GGA2: variants seen among roughly 807,000 people sequenced by gnomAD.
The protein encoded by GGA2 is ADP-ribosylation factor-binding protein GGA2.
In GGA2, 48 loss-of-function variants were observed where a neutral mutation model predicts 79.5. The ratio of observed to expected loss-of-function variants is 0.60; its 90% CI spans 0.48 to 0.77. GGA2 has a LOEUF of 0.77. Among genes scored for constraint, GGA2 ranks in the 30% least tolerant of loss-of-function variants. GGA2 has a pLI of 0.00. For missense variants in GGA2, 770 were observed against 774.0 expected (o/e 0.99, Z 0.06); for synonymous variants, 317 against 302.0 (o/e 1.05, Z -0.51).
At chr16:23,486,215 G>C in intron 7 of GGA2, 63 bp from the exon 8 acceptor site, 2 of 1,495,754 alleles carry the variant, frequency 1.3e-6, no homozygotes, top group East Asian at 2.3e-5. Flanking sequence ...GCCTGAACAA[G>C]GGATGGGAAA....
chr16:23,509,910 T>A (rs1965016999), intron 1 of GGA2, among the ~76,000 whole-genome samples: 2 of 151,908 alleles, frequency 1.3e-5, no homozygotes, highest in Non-Finnish European at 2.9e-5. Context: ...CTGCGTCTCC[T>A]TAAGCCTCAA....
chr16:23,483,424 T>TC lies in GGA2; in HGVS notation c.799-421dup, dbSNP rs141410854. The stretch of plus-strand genomic sequence containing the variant: ...CTTAGGAATTTGGAAAGACAGTAGT[T>TC]CATTTCTACTAATCTTGTGAAGTGG... On this transcript the variant is annotated intron_variant, in intron 8 of 16. Coordinates refer to ENST00000309859, the MANE Select transcript of GGA2 (RefSeq NM_015044.4). Among the ~76,000 whole-genome samples, 21 of 152,268 alleles carry TC rather than the reference T, an allele frequency of 1.4e-4. No homozygotes were observed. The East Asian group carries it at 4.1e-3, about 29-fold the overall frequency.
At chr16:23,518,901 G>A (rs1965118749) in intron 2 of GGA2, among the ~76,000 whole-genome samples, 1 of 152,144 alleles carries the variant, frequency 6.6e-6, no homozygotes, top group African/African-American at 2.4e-5. Flanking sequence ...ATTCTTTTGA[G>A]TAAGAGAGTA....
chr16:23,489,112 T>C (rs1458526026), intron 5 of GGA2, among the ~76,000 whole-genome samples: 1 of 152,218 alleles, frequency 6.6e-6, no homozygotes, highest in Non-Finnish European at 1.5e-5. Context: ...CCTGAGTTCC[T>C]TCTTTTAAGA....
At chr16:23,493,566 C>A in intron 3 of GGA2, 108 bp from the exon 4 acceptor site, 1 of 742,916 alleles carries the variant, frequency 1.3e-6, no homozygotes. Context: ...AAGGCTAACC[C>A]TGCCTCAAGC....
At chr16:23,492,912 C>G (rs1964807376) in intron 4 of GGA2, among the ~76,000 whole-genome samples, 1 of 152,168 alleles carries the variant, frequency 6.6e-6, no homozygotes, top group South Asian at 2.1e-4. Flanking sequence ...AACTGTAGGA[C>G]CCATGGCCAG....
chr16:23,496,116 C>T lies in GGA2; in HGVS notation c.92-338G>A, dbSNP rs367802093. ...AGAAGTTTGAGACTAGCCTGACCAA[C>T]ATGATGAAACCCCATCTCTACTAAA... On this transcript the variant is annotated intron_variant, in intron 1 of 16. Coordinates refer to ENST00000309859, the MANE Select transcript of GGA2 (RefSeq NM_015044.4). Among the ~76,000 whole-genome samples the T allele has an allele frequency of 3.6e-4, 55 of 151,976 alleles. No homozygotes were observed. In the South Asian group the frequency reaches 6.9e-3, roughly 19 times the overall value.
intron 6 of GGA2, among the ~76,000 whole-genome samples, chr16:23,487,042 C>T (rs1035703767): frequency 5.1e-5 from 7 of 137,316 alleles, no homozygotes; most frequent in African/African-American, 1.6e-4. Context: ...AGTGCAGTGG[C>T]GCAATCTCGA....
At chr16:23,497,802 C>T (rs1047940476) in intron 1 of GGA2, among the ~76,000 whole-genome samples, 1 of 152,180 alleles carries the variant, frequency 6.6e-6, no homozygotes, top group South Asian at 2.1e-4. Flanking sequence ...GTCACATGTA[C>T]TTGGACTCGC....
intron 12 of GGA2, 178 bp downstream of exon 12, chr16:23,478,705 G>A (rs764963828): frequency 1.4e-6 from 1 of 734,336 alleles, no homozygotes. Flanking sequence ...GGTGCAACCT[G>A]TCTCCCCCAG....
At chr16:23,493,768 C>T in intron 3 of GGA2, 1 of 346,326 alleles carries the variant, frequency 2.9e-6, no homozygotes. Flanking sequence ...GAACCAACCC[C>T]TCCCCAGAGG....
intron 13 of GGA2, 84 bp from the exon 14 acceptor site, chr16:23,475,145 G>C: frequency 1.3e-6 from 1 of 742,182 alleles, no homozygotes; most frequent in African/African-American, 1.8e-5. Context: ...AAAGAACAAG[G>C]AAAAAATAAC....
chr16:23,494,234 C>A (rs750615667), intron 3 of GGA2, 69 bp downstream of exon 3: 3 of 1,012,660 alleles, frequency 3.0e-6, no homozygotes, highest in Non-Finnish European at 4.8e-6. Flanking sequence ...TGTGTGGAAG[C>A]AAAGCGCCTC....
At chr16:23,487,893 T>C (rs1964735226) in intron 6 of GGA2, among the ~76,000 whole-genome samples, 1 of 151,996 alleles carries the variant, frequency 6.6e-6, no homozygotes, top group Non-Finnish European at 1.5e-5. Context: ...CGTGTAGCCT[T>C]CCAACACTCC....
rs1964427991 is a variant in GGA2, at chr16:23,465,701, G to A, written c.*1889C>T. 6.3e-6 allele frequency: 2 copies of A among 319,576 alleles called. No individual in the cohort carries two copies. The highest frequency in any genetic ancestry group is 1.2e-5 in the Non-Finnish European group (2 of 172,046). The allele number at this position is 319,576 out of a possible 1,614,324, so 19.8% of individuals were successfully genotyped here. ...CACGCCTGTAATCCCAGCACTCTGG[G>A]AGGCCAAGGCAGGCGGATCACCTGA... is the stretch of plus-strand genomic sequence containing the variant. On this transcript the variant is annotated 3_prime_UTR_variant, in exon 17 of 17. Coordinates refer to ENST00000309859, the MANE Select transcript of GGA2 (RefSeq NM_015044.4).
At position 23,510,312 on chromosome 16, in the gene GGA2, G is replaced by C; in HGVS notation, c.91+9C>G. The C allele has an allele frequency of 2.8e-6, 4 of 1,426,574 alleles. No individual in the cohort carries two copies. Among genetic ancestry groups the C allele is most frequent in the Non-Finnish European group, 3.7e-6 (4 of 1,086,192 alleles). The allele number at this position is 1,426,574 out of a possible 1,614,324, so 88.4% of individuals were successfully genotyped here. On this transcript the variant is annotated intron_variant, in intron 1 of 16. Transcript: ENST00000309859. ...AGCGGCTGCGCCGAAGGCCTGCCAG[G>C]CTACTCACTGAGCCACAGCTCCAGC...
At chr16:23,516,416 C>G (rs926127485) in intron 2 of GGA2, among the ~76,000 whole-genome samples, 1 of 152,130 alleles carries the variant, frequency 6.6e-6, no homozygotes, top group African/African-American at 2.4e-5. Context: ...AACCTAGGCC[C>G]TTAGAGGCTG....
In GGA2 at chr16:23,516,011, A is replaced by ATT. The variant is rs34582265; in HGVS notation, c.61+3574_61+3575dup. Among the ~76,000 whole-genome samples, 629 of 141,094 alleles carry ATT rather than the reference A, an allele frequency of 4.5e-3. 1 individual carries two copies. Among genetic ancestry groups the ATT allele is most frequent in the South Asian group, 8.3e-3 (36 of 4,348 alleles). The allele number at this position is 141,094 out of a possible 152,430, so 92.6% of individuals were successfully genotyped here. A position where few individuals can be genotyped will look rare whatever the true frequency, so the allele number is the denominator to read the frequency against. On this transcript the variant is annotated intron_variant, in intron 2 of 5. Transcript: ENST00000569300. Reference sequence around the variant, plus strand: ...AGGCATAAGCCATCACCTCTGACCTATTTTTTTTTTTTTTGAGACAGGGTC... The same window carrying ATT: ...AGGCATAAGCCATCACCTCTGACCTATTTTTTTTTTTTTTTTGAGACAGGGTC...
At chr16:23,516,895 G>A (rs1358409033) in intron 2 of GGA2, among the ~76,000 whole-genome samples, 1 of 152,212 alleles carries the variant, frequency 6.6e-6, no homozygotes, top group Non-Finnish European at 1.5e-5. Context: ...ACATGAAGGA[G>A]GAAGTGCAGA....
Sources: allele counts gnomAD v4.1 joint callset (sites outside exome capture counted in the v4.1 genomes callset), GRCh38; gene constraint gnomAD v4.1.1; transcripts MANE v1.5; gene names NCBI Gene and HGNC (gene_info 2026-07-23, HGNC 2026-07-21).